CDH24: variants seen among roughly 807,000 people sequenced by gnomAD.
The protein encoded by CDH24 is cadherin 24.
Under a neutral mutation model 71.2 loss-of-function variants are expected in CDH24, and 61 were observed. The observed-to-expected ratio is 0.86, with a 90% confidence interval of 0.70 to 1.06. The LOEUF (loss-of-function observed/expected upper bound fraction) is 1.06, where lower values mean the gene tolerates loss of function less well. CDH24 is among the 50% of genes least tolerant of loss of function. The pLI is 0.00. For missense variants in CDH24, 961 were observed against 1,083.7 expected (o/e 0.89, Z 1.59); for synonymous variants, 440 against 470.2 (o/e 0.94, Z 0.83).
Position 23,055,693 on chromosome 14 carries a change from C to A in CDH24, c.41G>T (p.Gly14Val). The change falls in exon 2 of 13, where the codon GGC (glycine) becomes GTC (valine). Residue 14 changes from glycine to valine, a missense_variant. By Grantham distance (109) the Gly-to-Val change is moderately radical (BLOSUM62 -3). Transcript: ENST00000487137. This position sits in a 1 kb window ranked among gnomAD's most constrained non-coding sequence, Gnocchi z 4.1. ...LVRLLLAWLGGWGCMGRLAAP... is the reference protein window; with the variant it reads ...LVRLLLAWLGVWGCMGRLAAP... ...TGCCAGACGCCCCATGCAGCCCCAG[C>A]CACCCAGCCAGGCCAGCAGGAGCCT... 3 of 1,598,658 alleles carry A rather than the reference C, an allele frequency of 1.9e-6. No individual in the cohort carries two copies. The highest frequency in any genetic ancestry group is 4.5e-5 in the East Asian group (2 of 44,620).
chr14:23,053,617 G>T lies in CDH24; in HGVS notation c.1105C>A (p.Pro369Thr), dbSNP rs1187801809. 6.2e-7 allele frequency: 1 copy of T among 1,613,676 alleles called. No homozygotes were observed. The highest frequency in any genetic ancestry group is 1.7e-5 in the Admixed American group (1 of 60,012). ...GCCTGGGTGAAGGCAGGTGGCTCTG[G>T]GGCATCTTGCACTGCCACACGCACA... ...ASVRVAVQDA[P>T]EPPAFTQAAY... Residue 369 changes from proline (P) to threonine (T), a missense_variant, in exon 7 of 13, where the codon CCA becomes ACA. This residue lies in a region of CDH24 where 671 missense variants were observed against 810.9 expected (regional missense o/e 0.83). Coordinates refer to ENST00000487137, the MANE Select transcript of CDH24 (RefSeq NM_144985.4).
rs1257841981 is a variant in CDH24 at position 23,054,946 on chromosome 14, C to T, written c.497-80G>A. 2.5e-5 allele frequency: 40 copies of T among 1,594,816 alleles called. No individual in the cohort carries two copies. The highest frequency in any genetic ancestry group is 1.1e-4 in the South Asian group (10 of 89,346). On this transcript the variant is annotated intron_variant, in intron 3 of 12. Coordinates refer to ENST00000487137, the MANE Select transcript of CDH24 (RefSeq NM_144985.4). The surrounding 1 kb of genome is among the most constrained non-coding windows in gnomAD (Gnocchi z 5.2). Reference sequence around the variant, plus strand: ...CAACCGATGGGGGGGGATGCAGATACGAGGGAGGCTGAATTGAAGGGGGCA... The same window carrying T: ...CAACCGATGGGGGGGGATGCAGATATGAGGGAGGCTGAATTGAAGGGGGCA...
At chr14:23,052,284 G>A in intron 8 of CDH24, 189 bp downstream of exon 8, 1 of 773,250 alleles carries the variant, frequency 1.3e-6, no homozygotes, top group Non-Finnish European at 2.2e-6. Context: ...CTGGTAGCAA[G>A]GATCCAGGCT....
rs373223898 is a variant in CDH24, at chr14:23,054,723, C to A, written c.616+24G>T. 1.9e-6 allele frequency: 3 copies of A among 1,613,932 alleles called. No homozygotes were observed. In the African/African-American group the frequency reaches 4.0e-5, roughly 22 times the overall value. The stretch of plus-strand genomic sequence containing the variant: ...GTGTCTGTCCCCTTGGCTGCCCCAC[C>A]GGGCTCCCAGGCTCCATCCTCACCA... On this transcript the variant is annotated intron_variant, in intron 4 of 12. Coordinates refer to ENST00000487137, the MANE Select transcript of CDH24 (RefSeq NM_144985.4). This position sits in a 1 kb window ranked among gnomAD's most constrained non-coding sequence, Gnocchi z 5.2.
chr14:23,048,339 T>C lies in CDH24; in HGVS notation c.1987A>G (p.Thr663Ala), dbSNP rs775170550. 5 of 1,611,316 alleles carry C rather than the reference T, an allele frequency of 3.1e-6. No individual in the cohort carries two copies. The South Asian group carries it at 4.4e-5, about 14-fold the overall frequency. Residue 663 changes from threonine (T) to alanine (A), a missense_variant, in exon 12 of 13, where the codon ACG becomes GCG. Physicochemically the swap from Thr to Ala is moderately conservative, Grantham distance 58. This residue lies in a region of CDH24 where 290 missense variants were observed against 272.8 expected (regional missense o/e 1.06). Transcript: ENST00000487137. Reference sequence around the variant, plus strand: ...GCCCCGTCCGGGTTCTGCAAGGCCGTGATGTCGAAGGCCTCGGTGTCCTCC... The same window carrying C: ...GCCCCGTCCGGGTTCTGCAAGGCCGCGATGTCGAAGGCCTCGGTGTCCTCC... Reference protein sequence around the residue: ...GEEDTEAFDITALQNPDGAAP... With the variant: ...GEEDTEAFDIAALQNPDGAAP...
intron 10 of CDH24, 86 bp from the exon 11 acceptor site, chr14:23,049,361 A>C: frequency 7.5e-7 from 1 of 1,330,296 alleles, no homozygotes; most frequent in South Asian, 1.4e-5. Flanking sequence ...CTTCCCATAG[A>C]GCCAGCCCCC....
Position 23,055,851 on chromosome 14 carries a change from TC to T in CDH24, c.-119del. On this transcript the variant is annotated 5_prime_UTR_variant, in exon 2 of 13. Transcript: ENST00000487137. The surrounding 1 kb of genome is among the most constrained non-coding windows in gnomAD (Gnocchi z 4.1). ...AGATGCGTTGAGGCTACCCCATGGA[TC>T]CACACCTGCAGGACAAGCAGCTGCT... 1 of 810,026 alleles carries T rather than the reference TC, an allele frequency of 1.2e-6. No homozygotes were observed. Among genetic ancestry groups the T allele is most frequent in the Non-Finnish European group, 1.9e-6 (1 of 526,384 alleles). 50.2% of individuals were successfully genotyped at this position (810,026 alleles called of 1,614,324 possible).
chr14:23,051,935 A>T lies in CDH24; in HGVS notation c.1363+538T>A. ...GGGGGAGACCGCATATGGAGCTGGC[A>T]CTCCTCCCCTTCCTTATGGTGTCCA... On this transcript the variant is annotated intron_variant, in intron 8 of 12. Coordinates refer to ENST00000487137, the MANE Select transcript of CDH24 (RefSeq NM_144985.4). This position sits in a 1 kb window ranked among gnomAD's most constrained non-coding sequence, Gnocchi z 4.4. The T allele has an allele frequency of 8.1e-7, 1 of 1,234,032 alleles. No homozygotes were observed. Among genetic ancestry groups the T allele is most frequent in the Non-Finnish European group, 1.1e-6 (1 of 876,852 alleles). The allele number at this position is 1,234,032 out of a possible 1,614,324, so 76.4% of individuals were successfully genotyped here. A position where few individuals can be genotyped will look rare whatever the true frequency, so the allele number is the denominator to read the frequency against.
intron 7 of CDH24, among the ~76,000 whole-genome samples, 155 bp downstream of exon 7, chr14:23,053,341 C>T (rs1206726080): frequency 2.0e-5 from 3 of 152,224 alleles, no homozygotes; most frequent in Non-Finnish European, 4.4e-5. Context: ...TCTCCCCTGG[C>T]ACCCAGGCCT....
intron 10 of CDH24, 103 bp from the exon 11 acceptor site, chr14:23,049,378 G>A (rs1251864496): frequency 1.7e-6 from 2 of 1,169,408 alleles, no homozygotes; most frequent in Non-Finnish European, 2.4e-6. Context: ...CCCCCATAGA[G>A]CCAGCCCATA....
At chr14:23,053,182 G>C (rs931620584) in intron 7 of CDH24, among the ~76,000 whole-genome samples, 2 of 152,222 alleles carry the variant, frequency 1.3e-5, no homozygotes, top group Non-Finnish European at 2.9e-5. Flanking sequence ...CAGCAAGGGG[G>C]TAAACTGTGA....
chr14:23,052,861 G>A (rs562872112), intron 7 of CDH24, among the ~76,000 whole-genome samples: 5 of 152,140 alleles, frequency 3.3e-5, no homozygotes, highest in South Asian at 2.1e-4. Context: ...GAGTAGAAGC[G>A]GGATAAACAG....
At chr14:23,050,067 A>G (rs2139942047) in intron 8 of CDH24, 124 bp from the exon 9 acceptor site, 2 of 1,294,664 alleles carry the variant, frequency 1.5e-6, no homozygotes, top group Non-Finnish European at 1.1e-6. Flanking sequence ...CACATGAAAT[A>G]TGCATGTAAT....
chr14:23,057,519 C>T lies in CDH24; in HGVS notation c.-241G>A, dbSNP rs113277671. Reference sequence around the variant, plus strand: ...CGGGCGCCGCGGCTCCGCTGCAGGTCTGAGCGGCCCCGGCGAGAACAAGGG... The same window carrying T: ...CGGGCGCCGCGGCTCCGCTGCAGGTTTGAGCGGCCCCGGCGAGAACAAGGG... On this transcript the variant is annotated 5_prime_UTR_variant, in exon 1 of 13. Coordinates refer to ENST00000487137, the MANE Select transcript of CDH24 (RefSeq NM_144985.4). The surrounding 1 kb of genome is among the most constrained non-coding windows in gnomAD (Gnocchi z 5.4). 18,507 of 151,846 alleles carry T rather than the reference C, an allele frequency of 0.12. 1,378 individuals carry two copies. The highest frequency in any genetic ancestry group is 0.2 in the African/African-American group (8,471 of 41,450). The allele number at this position is 151,846 out of a possible 1,614,324, so 9.4% of individuals were successfully genotyped here.
At chr14:23,048,981 T>C (rs767610187) in intron 11 of CDH24, 46 bp downstream of exon 11, 5 of 1,581,932 alleles carry the variant, frequency 3.2e-6, no homozygotes, top group African/African-American at 1.3e-5. Flanking sequence ...TCCACACCCC[T>C]GCAGGCCCAG....
Position 23,055,519 on chromosome 14 carries a change from G to A in CDH24, c.201+14C>T. On this transcript the variant is annotated intron_variant, in intron 2 of 12. Transcript: ENST00000487137. This position sits in a 1 kb window ranked among gnomAD's most constrained non-coding sequence, Gnocchi z 4.1. ...GCTTGGTGTCAGAGTAGACATGGGA[G>A]GGGTCATCCTTACCTTGCCAATGAG... 6.2e-7 allele frequency: 1 copy of A among 1,612,750 alleles called. No individual in the cohort carries two copies. The highest frequency in any genetic ancestry group is 8.5e-7 in the Non-Finnish European group (1 of 1,179,196).
chr14:23,054,789 C>T lies in CDH24; in HGVS notation c.574G>A (p.Val192Ile). 1 of 1,614,138 alleles carries T rather than the reference C, an allele frequency of 6.2e-7. No individual in the cohort carries two copies. The change falls in exon 4 of 13, where the codon GTT becomes ATT. Residue 192 changes from valine to isoleucine, a missense_variant. Coordinates refer to ENST00000487137, the MANE Select transcript of CDH24 (RefSeq NM_144985.4). The surrounding 1 kb of genome is among the most constrained non-coding windows in gnomAD (Gnocchi z 5.2). ...GAGAAGAAAGGCAGTCCATCCAGAA[C>T]AGTGTACACCAGCTTGGCACTGTTC... ...YGNSAKLVYT[V>I]LDGLPFFSVD...
At chr14:23,050,983 C>G (rs777072176) in intron 8 of CDH24, among the ~76,000 whole-genome samples, 1 of 151,812 alleles carries the variant, frequency 6.6e-6, no homozygotes, top group Non-Finnish European at 1.5e-5. Context: ...TGTCTGGGTG[C>G]GGGTAGGAGC....
chr14:23,048,094 G>GC lies in CDH24; in HGVS notation c.2231dup (p.Ser745LeufsTer112), dbSNP rs2047054989. On this transcript the variant is annotated frameshift_variant, in exon 12 of 13. Coordinates refer to ENST00000487137, the MANE Select transcript of CDH24 (RefSeq NM_144985.4). LOFTEE classifies it high-confidence loss of function. Reference sequence around the variant, plus strand: ...GGGCGCCGCCGGCTTCGCTGCCGGAGCCCAGGGAGCTGAGGGAGCCGCAAG... The same window carrying GC: ...GGGCGCCGCCGGCTTCGCTGCCGGAGCCCCAGGGAGCTGAGGGAGCCGCAAG... 1 of 1,416,538 alleles carries GC rather than the reference G, an allele frequency of 7.1e-7. No homozygotes were observed. The highest frequency in any genetic ancestry group is 1.5e-5 in the African/African-American group (1 of 65,752). 87.7% of individuals were successfully genotyped at this position (1,416,538 alleles called of 1,614,324 possible).
Sources: allele counts gnomAD v4.1 joint callset (sites outside exome capture counted in the v4.1 genomes callset), GRCh38; gene constraint gnomAD v4.1.1; regional missense constraint gnomAD v4.1.1; non-coding constraint Gnocchi (gnomAD v3.1); transcripts MANE v1.5; gene names NCBI Gene and HGNC (gene_info 2026-07-23, HGNC 2026-07-21).